Variants in RNF175 observed in about 807,000 individuals in gnomAD.
The protein encoded by RNF175 is ring finger protein 175.
Under a neutral mutation model 50.0 loss-of-function variants are expected in RNF175, and 38 were observed. That is an observed-to-expected ratio of 0.76 (90% CI 0.59 to 1.00). The LOEUF (loss-of-function observed/expected upper bound fraction) is 1.00. Ranked by LOEUF, RNF175 falls within the 50% of genes least tolerant of loss-of-function variation. The probability of loss-of-function intolerance (pLI) is 0.00; values close to 1 mark genes in which losing one functional copy is unlikely to be tolerated. For missense variants in RNF175, 388 were observed against 409.6 expected, an observed-to-expected ratio of 0.95 and a Z score of 0.46; for synonymous variants, 155 against 146.1, an observed-to-expected ratio of 1.06 and a Z score of -0.44.
At chr4:153,733,657 A>AT in intron 3 of RNF175, among the ~76,000 whole-genome samples, 1 of 152,040 alleles carries the variant, frequency 6.6e-6, no homozygotes, top group Non-Finnish European at 1.5e-5. Flanking sequence ...TGTTTTCCAT[A>AT]TTTTTAATGC....
chr4:153,715,799 C>T, intron 6 of RNF175, 137 bp from the exon 7 acceptor site: 6 of 846,754 alleles, frequency 7.1e-6, no homozygotes, highest in Non-Finnish European at 1.1e-5. Context: ...CATGGTGGCT[C>T]ATGCCTGTAA....
intron 1 of RNF175, among the ~76,000 whole-genome samples, chr4:153,757,115 C>A (rs530575711): frequency 7.7e-4 from 118 of 152,338 alleles, no homozygotes; most frequent in African/African-American, 2.8e-3. Context: ...GCTCTCCCTC[C>A]ACTCCCAGCC....
In RNF175 at chr4:153,715,565, AG is replaced by A. The variant is rs746869985; in HGVS notation, c.727del (p.Leu243SerfsTer40). The A allele has an allele frequency of 2.5e-6, 4 of 1,611,326 alleles. No homozygotes were observed. The East Asian group carries it at 8.9e-5, about 36-fold the overall frequency. ...KIIVELDEEG[L>X]IENTYQLSCN... ...GGAAAGCTGGTAGGTGTTTTCAATG[AG>A]CCCTTCTTCATCAAGCTCCACAATG... On this transcript the variant is annotated frameshift_variant, in exon 7 of 9. Transcript: ENST00000347063. LOFTEE classifies it high-confidence loss of function.
At chr4:153,712,362 A>T (rs532807962) in intron 8 of RNF175, 113 bp downstream of exon 8, 4 of 695,660 alleles carry the variant, frequency 5.7e-6, no homozygotes, top group African/African-American at 1.8e-5. Flanking sequence ...GGTTAGGGAA[A>T]ACAAAAAATT....
chr4:153,755,176 TA>T (rs1373847082), intron 1 of RNF175, among the ~76,000 whole-genome samples: 1 of 152,264 alleles, frequency 6.6e-6, no homozygotes, highest in African/African-American at 2.4e-5. Context: ...CTAGGCATGT[TA>T]GACATGGGCT....
chr4:153,739,435 G>C (rs896182093), intron 3 of RNF175, among the ~76,000 whole-genome samples: 2 of 152,064 alleles, frequency 1.3e-5, no homozygotes, highest in Admixed American at 6.6e-5. Context: ...ATAAAAGAAA[G>C]AAAGAAAGAA....
At chr4:153,740,136 C>A in intron 3 of RNF175, among the ~76,000 whole-genome samples, 1 of 151,786 alleles carries the variant, frequency 6.6e-6, no homozygotes, top group East Asian at 1.9e-4. Flanking sequence ...ATTGATGAGG[C>A]CATTCAAGAC....
Position 153,759,811 on chromosome 4 carries a change from G to A in RNF175, c.52C>T (p.Pro18Ser), listed in dbSNP as rs1343568899. 1 of 1,477,852 alleles carries A rather than the reference G, an allele frequency of 6.8e-7. No individual in the cohort carries two copies. The highest frequency in any genetic ancestry group is 8.9e-7 in the Non-Finnish European group (1 of 1,122,354). 91.5% of individuals were successfully genotyped at this position (1,477,852 alleles called of 1,614,324 possible). Residue 18 changes from proline (P) to serine (S), a missense_variant, in exon 1 of 9, where the codon CCG (proline) becomes TCG (serine). Physicochemically the swap from Pro to Ser is moderately conservative, Grantham distance 74. Transcript: ENST00000347063. Reference sequence around the variant, plus strand: ...CGCGCCAGTACCTGCTCCTGCTGCGGGGGGGCCTCCAGCACCGGCGCTGCC... The same window carrying A: ...CGCGCCAGTACCTGCTCCTGCTGCGAGGGGGCCTCCAGCACCGGCGCTGCC... ...RKAAPVLEAP[P>S]QQEQLSHTKL...
intron 3 of RNF175, among the ~76,000 whole-genome samples, chr4:153,738,875 A>G (rs1024508801): frequency 6.6e-6 from 1 of 152,114 alleles, no homozygotes; most frequent in Admixed American, 6.6e-5. Context: ...TAGTATATCA[A>G]TTATACTCCT....
chr4:153,724,410 G>T (rs1738546950), intron 4 of RNF175, among the ~76,000 whole-genome samples: 1 of 152,222 alleles, frequency 6.6e-6, no homozygotes, highest in Admixed American at 6.5e-5. Context: ...AAATGAAGAG[G>T]TGGCTAGAAA....
In RNF175 at chr4:153,728,211, G is replaced by A. The variant is rs201556317; in HGVS notation, c.397C>T (p.Pro133Ser). The change falls in exon 4 of 9, where the codon CCA (proline) becomes TCA (serine). Residue 133 changes from proline (P) to serine (S), a missense_variant. Pro to Ser is a moderately conservative substitution (Grantham distance 74). Transcript: ENST00000347063. ...AGGAATGTATGGAATACATACCGTG[G>A]TGTCCTTCCTGAGAGGGGTTTTCGG... is the stretch of plus-strand genomic sequence containing the variant. Reference protein sequence around the residue: ...ATRKPLSGRTPRLVYKWFLLI... With the variant: ...ATRKPLSGRTSRLVYKWFLLI... 2.5e-4 allele frequency: 398 copies of A among 1,611,878 alleles called. No individual in the cohort carries two copies. The highest frequency in any genetic ancestry group is 3.3e-4 in the Non-Finnish European group (388 of 1,178,540).
intron 7 of RNF175, chr4:153,714,092 A>G (rs1368965689): frequency 6.6e-6 from 1 of 152,238 alleles, no homozygotes; most frequent in Non-Finnish European, 1.5e-5. Context: ...AAAGGTGACT[A>G]CATTTTAGAT....
rs146728119 is a variant in RNF175, at chr4:153,749,928, A to C, written c.105-1142T>G. ...TAAATTTCTGATTTTTAAGCCACCTATTCTGTGGTATTTTGTTATGGTATT... is the reference window on the plus strand; with the variant it reads ...TAAATTTCTGATTTTTAAGCCACCTCTTCTGTGGTATTTTGTTATGGTATT... On this transcript the variant is annotated intron_variant, in intron 2 of 8. Transcript: ENST00000347063. 3.3e-5 allele frequency among the ~76,000 whole-genome samples: 5 copies of C among 152,266 alleles called. No individual in the cohort carries two copies. In the East Asian group the frequency reaches 9.7e-4, roughly 29 times the overall value.
intron 6 of RNF175, among the ~76,000 whole-genome samples, chr4:153,717,753 GTTACT>G (rs1032133840): frequency 1.3e-5 from 2 of 152,080 alleles, no homozygotes; most frequent in Non-Finnish European, 2.9e-5. Context: ...TCATTTCAAA[GTTACT>G]TAGGTCAGCA....
chr4:153,748,781 T>G lies in RNF175; in HGVS notation c.110A>C (p.Gln37Pro). The change falls in exon 3 of 9, where the codon CAG (glutamine) becomes CCG (proline). Residue 37 changes from glutamine to proline, a missense_variant. Coordinates refer to ENST00000347063, the MANE Select transcript of RNF175 (RefSeq NM_173662.4). ...GTGCATCTTGTACATCCTCTCCTGC[T>G]GCAGGCTGGAACCAGCAAAATGAGG... ...KLSAEDTWNLQQERMYKMHRG... is the reference protein window; with the variant it reads ...KLSAEDTWNLPQERMYKMHRG... 6.2e-7 allele frequency: 1 copy of G among 1,611,856 alleles called. No homozygotes were observed. The highest frequency in any genetic ancestry group is 1.1e-5 in the South Asian group (1 of 90,520).
Position 153,710,431 on chromosome 4 carries a change from C to A in RNF175, c.925G>T (p.Ala309Ser). 1 of 1,593,656 alleles carries A rather than the reference C, an allele frequency of 6.3e-7. No homozygotes were observed. The highest frequency in any genetic ancestry group is 8.6e-7 in the Non-Finnish European group (1 of 1,168,804). ...ATTCCTATCACCACAGGTTGCCAGGCCACCAAATAACGAAGCCAATCCAGG... is the reference window on the plus strand; with the variant it reads ...ATTCCTATCACCACAGGTTGCCAGGACACCAAATAACGAAGCCAATCCAGG... Reference protein sequence around the residue: ...QILDWLRYLVAWQPVVIGIVQ... With the variant: ...QILDWLRYLVSWQPVVIGIVQ... Residue 309 changes from alanine to serine, a missense_variant, in exon 9 of 9, where the codon GCC (alanine) becomes TCC (serine). Coordinates refer to ENST00000347063, the MANE Select transcript of RNF175 (RefSeq NM_173662.4).
At chr4:153,710,611 G>T in intron 8 of RNF175, 122 bp from the exon 9 acceptor site, 1 of 958,138 alleles carries the variant, frequency 1.0e-6, no homozygotes, top group Non-Finnish European at 1.6e-6. Flanking sequence ...TTAATTCTAT[G>T]TGCTCAATTA....
Position 153,759,873 on chromosome 4 carries a change from C to CT in RNF175, c.-12dup. On this transcript the variant is annotated 5_prime_UTR_variant, in exon 1 of 9. Coordinates refer to ENST00000347063, the MANE Select transcript of RNF175 (RefSeq NM_173662.4). ...CGTCCCCGCGGCCATGCCTGAGCCA[C>CT]TGTGCCTTCTCCAGGGCACAGCGCC... The CT allele has an allele frequency of 7.0e-7, 1 of 1,427,506 alleles. No individual in the cohort carries two copies. Among genetic ancestry groups the CT allele is most frequent in the Non-Finnish European group, 9.1e-7 (1 of 1,097,956 alleles). 88.4% of individuals were successfully genotyped at this position (1,427,506 alleles called of 1,614,324 possible). A position where few individuals can be genotyped will look rare whatever the true frequency, so the allele number is the denominator to read the frequency against.
At chr4:153,722,596 C>T (rs536037845) in intron 5 of RNF175, among the ~76,000 whole-genome samples, 12 of 152,192 alleles carry the variant, frequency 7.9e-5, no homozygotes, top group South Asian at 4.1e-4. Context: ...TGAGCCACGG[C>T]GCCCAGCCTC....
Sources: gnomAD v4.1 joint callset for allele counts (sites outside exome capture counted in the v4.1 genomes callset) on GRCh38, gnomAD v4.1.1 for gene constraint, MANE v1.5 for transcripts, NCBI Gene and HGNC (gene_info 2026-07-23, HGNC 2026-07-21) for gene names.